The following COPG2 variants were observed in gnomAD, a reference collection of about 807,000 sequenced individuals.
COPG2 encodes coatomer subunit gamma-2.
COPG2 carries 37 observed loss-of-function variants against 46.3 expected under a neutral mutation model. That is an observed-to-expected ratio of 0.80 (90% CI 0.61 to 1.05). COPG2 has a LOEUF of 1.05. Ranked by LOEUF, COPG2 falls within the 50% of genes least tolerant of loss-of-function variation. The pLI, the probability that COPG2 is intolerant of heterozygous loss-of-function variation, is 0.00. For missense variants in COPG2, 427 were observed against 387.8 expected (o/e 1.10, Z -0.85); for synonymous variants, 159 against 129.7 (o/e 1.23, Z -1.53).
At chr7:130,539,724 AAGAC>A (rs1799917779) in intron 20 of COPG2, among the ~76,000 whole-genome samples, 1 of 152,274 alleles carries the variant, frequency 6.6e-6, no homozygotes, top group Admixed American at 6.5e-5. Flanking sequence ...TCACCTACAG[AAGAC>A]AGACAGGGTG....
intron 20 of COPG2, among the ~76,000 whole-genome samples, chr7:130,521,002 C>CAT (rs1417965023): frequency 2.6e-5 from 4 of 151,928 alleles, no homozygotes; most frequent in Non-Finnish European, 4.4e-5. Flanking sequence ...TTTCTTTTAT[C>CAT]ATAGTGTTTT....
chr7:130,602,957 T>TG (rs1302600921), intron 9 of COPG2: 1 of 152,194 alleles, frequency 6.6e-6, no homozygotes, highest in African/African-American at 2.4e-5. Flanking sequence ...TGTCATCCTC[T>TG]GGAATTTTAG....
chr7:130,510,250 T>C (rs1799574359), intron 20 of COPG2: 2 of 519,624 alleles, frequency 3.8e-6, no homozygotes, highest in Non-Finnish European at 7.7e-6. Flanking sequence ...GGTTTTCCCA[T>C]ATAGGAAAGA....
rs1055742619 is a variant in COPG2 at position 130,626,319 on chromosome 7, G to C, written c.324-9254C>G. 3.3e-5 allele frequency among the ~76,000 whole-genome samples: 5 copies of C among 150,986 alleles called. No homozygotes were observed. In the East Asian group the frequency reaches 9.7e-4, roughly 29 times the overall value. The stretch of plus-strand genomic sequence containing the variant: ...CATAAAATAAACCCCTCCCTGACCA[G>C]AGACATGCCAGCCCCGAGACAACTT... On this transcript the variant is annotated intron_variant, in intron 5 of 23. Transcript: ENST00000425248.
chr7:130,617,090 A>G (rs554060751), intron 5 of COPG2, 25 bp from the exon 6 acceptor site: 8 of 1,483,880 alleles, frequency 5.4e-6, no homozygotes, highest in Non-Finnish European at 7.5e-6. Context: ...ATTGGTTAAC[A>G]TAAGATCAAT....
At chr7:130,511,798 A>C (rs370677945) in intron 20 of COPG2, 2 of 519,504 alleles carry the variant, frequency 3.8e-6, no homozygotes, top group Admixed American at 3.9e-5. Flanking sequence ...ATACACAGAA[A>C]GGGTTAAGGA....
intron 20 of COPG2, among the ~76,000 whole-genome samples, chr7:130,524,450 G>T (rs1447749800): frequency 6.6e-6 from 1 of 152,154 alleles, no homozygotes; most frequent in African/African-American, 2.4e-5. Context: ...GGACATCAGG[G>T]GATGAGTTTG....
chr7:130,668,748 G>A lies in COPG2; in HGVS notation c.-80C>T, dbSNP rs879971110. The A allele has an allele frequency of 4.1e-6, 6 of 1,460,612 alleles. No homozygotes were observed. The highest frequency in any genetic ancestry group is 5.5e-6 in the Non-Finnish European group (6 of 1,092,774). The allele number at this position is 1,460,612 out of a possible 1,614,324, so 90.5% of individuals were successfully genotyped here. ...CGGCGAGCGGAAGAGGCTGCAGGAA[G>A]GCCGGCCCCGCGCTCTCACGCCGGT... On this transcript the variant is annotated 5_prime_UTR_variant, in exon 1 of 24. Transcript: ENST00000425248.
At chr7:130,606,260 AAGAAAG>A (rs1204035624) in intron 9 of COPG2, among the ~76,000 whole-genome samples, 2 of 145,368 alleles carry the variant, frequency 1.4e-5, no homozygotes, top group African/African-American at 2.6e-5. Context: ...GAGAGAGAGA[AAGAAAG>A]AGAAAGAGAA....
At chr7:130,645,120 G>T in intron 5 of COPG2, 2 of 421,880 alleles carry the variant, frequency 4.7e-6, no homozygotes, top group South Asian at 2.2e-5. Flanking sequence ...TTTTTCAGGT[G>T]ACTGGAAAAA....
At chr7:130,546,036 T>C (rs1345309575) in intron 20 of COPG2, among the ~76,000 whole-genome samples, 4 of 152,212 alleles carry the variant, frequency 2.6e-5, no homozygotes, top group African/African-American at 9.6e-5. Flanking sequence ...GAAGAGCTAG[T>C]ATTCTCAATT....
intron 11 of COPG2, among the ~76,000 whole-genome samples, chr7:130,562,656 A>G (rs1239830649): frequency 1.3e-5 from 2 of 152,218 alleles, no homozygotes; most frequent in Non-Finnish European, 2.9e-5. Flanking sequence ...GTATGCTGTA[A>G]ATGTAAATAT....
chr7:130,630,935 T>C (rs1795216688), intron 5 of COPG2, among the ~76,000 whole-genome samples: 1 of 152,196 alleles, frequency 6.6e-6, no homozygotes, highest in African/African-American at 2.4e-5. Flanking sequence ...TCCAACTACT[T>C]GGGAGGACCG....
Position 130,631,331 on chromosome 7 carries a change from T to C in COPG2, c.324-14266A>G, listed in dbSNP as rs1795227114. Among the ~76,000 whole-genome samples, 3 of 152,080 alleles carry C rather than the reference T, an allele frequency of 2.0e-5. No homozygotes were observed. The South Asian group carries it at 6.2e-4, about 32-fold the overall frequency. On this transcript the variant is annotated intron_variant, in intron 5 of 23. Transcript: ENST00000425248. ...TGCCATCACACCTGGCTAATTTTTG[T>C]ATTCTTAGTAGAGATGGGGTTTCGC...
At chr7:130,531,284 G>A (rs1225233082) in intron 20 of COPG2, among the ~76,000 whole-genome samples, 1 of 151,972 alleles carries the variant, frequency 6.6e-6, no homozygotes, top group Non-Finnish European at 1.5e-5. Flanking sequence ...CAGGGTTGAG[G>A]GTGATGAATT....
intron 10 of COPG2, among the ~76,000 whole-genome samples, chr7:130,564,058 G>A (rs1056082245): frequency 2.0e-5 from 3 of 151,808 alleles, no homozygotes; most frequent in Non-Finnish European, 4.4e-5. Context: ...AGTTTTATAT[G>A]GAGAAATAGA....
At chr7:130,515,189 G>A (rs1799669246) in intron 20 of COPG2, among the ~76,000 whole-genome samples, 1 of 152,124 alleles carries the variant, frequency 6.6e-6, no homozygotes, top group South Asian at 2.1e-4. Flanking sequence ...CCTGGGACTG[G>A]GTAACTTATA....
intron 1 of COPG2, among the ~76,000 whole-genome samples, chr7:130,667,886 G>A (rs1427851726): frequency 2.6e-5 from 4 of 152,274 alleles, no homozygotes; most frequent in Admixed American, 6.5e-5. Context: ...TATTTTATGT[G>A]TTTCTAACAC....
intron 9 of COPG2, among the ~76,000 whole-genome samples, chr7:130,577,927 G>A (rs1314782450): frequency 2.0e-4 from 31 of 151,728 alleles, no homozygotes; most frequent in African/African-American, 6.3e-4. Flanking sequence ...GGGGAGGGGC[G>A]CCCGCCATTG....
Sources: gnomAD v4.1 joint callset for allele counts (sites outside exome capture counted in the v4.1 genomes callset) on GRCh38, gnomAD v4.1.1 for gene constraint, MANE v1.5 for transcripts, NCBI Gene and HGNC (gene_info 2026-07-23, HGNC 2026-07-21) for gene names.